PDE10A: variants seen among roughly 807,000 people sequenced by gnomAD.
PDE10A encodes cAMP and cAMP-inhibited cGMP 3',5'-cyclic phosphodiesterase 10A.
A neutral mutation model predicts 97.7 loss-of-function variants in PDE10A; 39 were observed. The ratio of observed to expected loss-of-function variants is 0.40; its 90% CI spans 0.31 to 0.52. The LOEUF (loss-of-function observed/expected upper bound fraction) is 0.52, where lower values mean the gene tolerates loss of function less well. Among genes scored for constraint, PDE10A ranks in the 20% least tolerant of loss-of-function variants. The pLI, the probability that PDE10A is intolerant of heterozygous loss-of-function variation, is 0.56. For missense variants in PDE10A, 731 were observed against 1,047.8 expected, an observed-to-expected ratio of 0.70 and a Z score of 4.17; for synonymous variants, 371 against 376.8, an observed-to-expected ratio of 0.98 and a Z score of 0.18.
chr6:165,493,025 C>A (rs1780317838), intron 2 of PDE10A, among the ~76,000 whole-genome samples: 1 of 151,944 alleles, frequency 6.6e-6, no homozygotes, highest in Admixed American at 6.6e-5. Flanking sequence ...AATAAGTAGC[C>A]CTGCTATACA....
Position 165,821,126 on chromosome 6 carries a change from G to A in PDE10A, c.-615+166403C>T, listed in dbSNP as rs750482535. Among the ~76,000 whole-genome samples the A allele has an allele frequency of 1.8e-3, 272 of 152,310 alleles. 1 individual carries two copies. The highest frequency in any genetic ancestry group is 2.2e-3 in the Non-Finnish European group (150 of 68,038). On this transcript the variant is annotated intron_variant, in intron 1 of 19. Transcript: ENST00000366882. Reference sequence around the variant, plus strand: ...TACTGTTGAGCAAACAGAAGACAGCGGCTGCCACCTGCTCAATTGGAAGGA... The same window carrying A: ...TACTGTTGAGCAAACAGAAGACAGCAGCTGCCACCTGCTCAATTGGAAGGA...
intron 1 of PDE10A, among the ~76,000 whole-genome samples, chr6:165,554,725 C>A (rs904507476): frequency 2.0e-5 from 3 of 152,104 alleles, no homozygotes. Context: ...CTGTTTGTTG[C>A]AGCATTGTTT....
chr6:165,935,232 G>A (rs978564801), intron 1 of PDE10A, among the ~76,000 whole-genome samples: 1 of 152,214 alleles, frequency 6.6e-6, no homozygotes, highest in Non-Finnish European at 1.5e-5. Flanking sequence ...TGGGTTCTTT[G>A]AAGAATGAGA....
intron 1 of PDE10A, among the ~76,000 whole-genome samples, chr6:165,957,682 G>A (rs957914114): frequency 2.6e-5 from 4 of 152,156 alleles, no homozygotes; most frequent in Admixed American, 6.5e-5. Flanking sequence ...TATTAATGAA[G>A]GTGCTGTGCT....
chr6:165,598,298 G>A lies in PDE10A; in HGVS notation c.866-54730C>T, dbSNP rs1229980449. ...TATTAACAGATCTTAGAGAGAGAGA[G>A]CACCAACAATATCAAAGAGATCTTA... On this transcript the variant is annotated intron_variant, in intron 1 of 21. Transcript: ENST00000539869. Among the ~76,000 whole-genome samples, 6 of 150,596 alleles carry A rather than the reference G, an allele frequency of 4.0e-5. No homozygotes were observed. The East Asian group carries it at 9.7e-4, about 24-fold the overall frequency.
At chr6:165,948,110 T>TAC (rs2128494336) in intron 1 of PDE10A, 12 of 151,944 alleles carry the variant, frequency 7.9e-5, no homozygotes, top group African/African-American at 2.9e-4. Flanking sequence ...TATATACATA[T>TAC]ATATATAGAG....
chr6:165,881,387 CTTTTCTTTTTTTT>C (rs1781469827), intron 1 of PDE10A, among the ~76,000 whole-genome samples: 1 of 105,270 alleles, frequency 9.5e-6, no homozygotes, highest in African/African-American at 3.4e-5. Flanking sequence ...TTTCTTTTTT[CTTTTCTTTTTTTT>C]TTTTTTTTTT....
At chr6:165,635,141 G>C (rs1401514661) in intron 1 of PDE10A, among the ~76,000 whole-genome samples, 1 of 152,174 alleles carries the variant, frequency 6.6e-6, no homozygotes, top group African/African-American at 2.4e-5. Flanking sequence ...CACTAAGACT[G>C]AGAGGCAGCC....
intron 1 of PDE10A, among the ~76,000 whole-genome samples, chr6:165,893,282 A>G (rs1017521846): frequency 1.3e-5 from 2 of 152,202 alleles, no homozygotes; most frequent in Non-Finnish European, 2.9e-5. Flanking sequence ...TCGCCCTGCG[A>G]ATGCCCTTTT....
chr6:165,420,750 T>C (rs1195241790), intron 10 of PDE10A, among the ~76,000 whole-genome samples: 1 of 152,098 alleles, frequency 6.6e-6, no homozygotes. Flanking sequence ...ATTCAAAAAC[T>C]ATCAAAAAAT....
In PDE10A at chr6:165,655,376, C is replaced by T. The variant is rs1789889732; in HGVS notation, c.865+6571G>A. 6.6e-6 allele frequency among the ~76,000 whole-genome samples: 1 copy of T among 152,126 alleles called. No individual in the cohort carries two copies. The highest frequency in any genetic ancestry group is 2.1e-4 in the South Asian group (1 of 4,828). Reference sequence around the variant, plus strand: ...CGCCACGCCTGATTCCTTGCGCACCCCACGTGCTCCTCCTCCAGGCTTCCC... The same window carrying T: ...CGCCACGCCTGATTCCTTGCGCACCTCACGTGCTCCTCCTCCAGGCTTCCC... On this transcript the variant is annotated intron_variant, in intron 1 of 21. Coordinates refer to ENST00000539869, the MANE Select transcript of PDE10A (RefSeq NM_001385079.1). The surrounding 1 kb of genome is among the most constrained non-coding windows in gnomAD (Gnocchi z 4.5).
At chr6:165,335,543 G>A (rs535584594) in intron 21 of PDE10A, among the ~76,000 whole-genome samples, 2 of 152,026 alleles carry the variant, frequency 1.3e-5, no homozygotes, top group Non-Finnish European at 2.9e-5. Context: ...AGAGCCAGGG[G>A]CCCCTCTTGC....
chr6:165,752,866 GT>G (rs1793039068), intron 1 of PDE10A, among the ~76,000 whole-genome samples: 1 of 152,204 alleles, frequency 6.6e-6, no homozygotes, highest in Non-Finnish European at 1.5e-5. Context: ...AGGTAAGGAA[GT>G]CACCTGCTAA....
At chr6:165,341,944 G>C (rs182649954) in intron 19 of PDE10A, among the ~76,000 whole-genome samples, 1 of 152,294 alleles carries the variant, frequency 6.6e-6, no homozygotes, top group Admixed American at 6.5e-5. Context: ...TGAGCTCACC[G>C]TAACAGCAAA....
At chr6:165,985,229 T>C (rs950460804) in intron 1 of PDE10A, among the ~76,000 whole-genome samples, 5 of 152,234 alleles carry the variant, frequency 3.3e-5, no homozygotes, top group African/African-American at 1.2e-4. Context: ...CTCCATCTGG[T>C]TCATTTTTCC....
At chr6:165,701,222 C>T (rs1402858242) in intron 1 of PDE10A, among the ~76,000 whole-genome samples, 4 of 152,140 alleles carry the variant, frequency 2.6e-5, no homozygotes, top group Non-Finnish European at 4.4e-5. Flanking sequence ...GAAAGCCTGC[C>T]GAAGAGTGAC....
In PDE10A at chr6:165,379,315, C is replaced by A; in HGVS notation, c.2662G>T (p.Val888Leu). 1 of 1,613,832 alleles carries A rather than the reference C, an allele frequency of 6.2e-7. No homozygotes were observed. Among genetic ancestry groups the A allele is most frequent in the Non-Finnish European group, 8.5e-7 (1 of 1,179,810 alleles). The change falls in exon 18 of 22, where the codon GTG (valine) becomes TTG (leucine). Residue 888 changes from valine to leucine, a missense_variant. Around this residue, in one of 8 missense-constraint regions of PDE10A, gnomAD observed 25 missense variants for 83.7 expected, o/e 0.30. Transcript: ENST00000539869. ...STLSSSEYEQ[V>L]LEIIRKAIIA... ...ATGGCTTTGCGGATGATCTCAAGCA[C>A]CTGCTCATATTCACTGGAGCTCAGA...
chr6:165,830,361 A>AT (rs1395201145), intron 1 of PDE10A, among the ~76,000 whole-genome samples: 1 of 152,166 alleles, frequency 6.6e-6, no homozygotes, highest in Non-Finnish European at 1.5e-5. Flanking sequence ...AACAGTGACA[A>AT]TCCTCCTCAG....
At chr6:165,626,175 T>A (rs1232403726) in intron 1 of PDE10A, among the ~76,000 whole-genome samples, 1 of 152,194 alleles carries the variant, frequency 6.6e-6, no homozygotes, top group African/African-American at 2.4e-5. Context: ...GAGGAAATTC[T>A]TAGTTCTCTC....
Sources: allele counts gnomAD v4.1 joint callset (sites outside exome capture counted in the v4.1 genomes callset), GRCh38; gene constraint gnomAD v4.1.1; regional missense constraint gnomAD v4.1.1; non-coding constraint Gnocchi (gnomAD v3.1); transcripts MANE v1.5; gene names NCBI Gene and HGNC (gene_info 2026-07-23, HGNC 2026-07-21).